Variants in AVEN observed in about 807,000 individuals in gnomAD.
The protein encoded by AVEN is cell death regulator Aven.
In AVEN, 41 loss-of-function variants were observed where a neutral mutation model predicts 38.1. The observed-to-expected ratio is 1.08, with a 90% CI of 0.84 to 1.40. The LOEUF is 1.40. Among genes scored for constraint, AVEN ranks in the 40% most tolerant of loss-of-function variants. The probability of loss-of-function intolerance (pLI) is 0.00; values close to 1 mark genes in which losing one functional copy is unlikely to be tolerated. For synonymous variants in AVEN, 206 were observed against 171.8 expected, an observed-to-expected ratio of 1.20 and a Z score of -1.56; for missense variants, 605 against 438.8, an observed-to-expected ratio of 1.38 and a Z score of -3.38.
At chr15:33,963,827 CA>C (rs1379438405) in intron 2 of AVEN, among the ~76,000 whole-genome samples, 2 of 142,378 alleles carry the variant, frequency 1.4e-5, no homozygotes, top group African/African-American at 2.5e-5. Context: ...AACGAACAAA[CA>C]AAAAAACCCC....
chr15:33,870,132 A>G (rs537289574), intron 4 of AVEN, among the ~76,000 whole-genome samples: 2 of 152,234 alleles, frequency 1.3e-5, no homozygotes, highest in East Asian at 3.9e-4. Context: ...ATATACCGTC[A>G]AATCCTGTTA....
chr15:34,063,769 C>T lies in AVEN; in HGVS notation n.1127-337G>A, dbSNP rs201606275. On this transcript the variant is annotated intron_variant and non_coding_transcript_variant, in intron 4 of 11. Coordinates refer to the AVEN transcript ENST00000675287. The surrounding 1 kb of genome is among the most constrained non-coding windows in gnomAD (Gnocchi z 4.1). ...GAGGAAACTTTTGTGAAAGCTGAAACTGAAAAAAGTGACTATGACACCCCA... is the reference window on the plus strand; with the variant it reads ...GAGGAAACTTTTGTGAAAGCTGAAATTGAAAAAAGTGACTATGACACCCCA... The T allele has an allele frequency of 5.4e-5, 87 of 1,614,166 alleles. No individual in the cohort carries two copies. Among genetic ancestry groups the T allele is most frequent in the Middle Eastern group, 4.9e-4 (3 of 6,062 alleles).
chr15:33,901,442 G>A (rs553632506), intron 2 of AVEN, among the ~76,000 whole-genome samples: 89 of 152,220 alleles, frequency 5.8e-4, no homozygotes, highest in African/African-American at 1.9e-3. Context: ...CCATATCTTC[G>A]CTCTTGTGAA....
At chr15:34,016,005 G>A (rs1010890485) in intron 1 of AVEN, among the ~76,000 whole-genome samples, 6 of 152,144 alleles carry the variant, frequency 3.9e-5, no homozygotes, top group Admixed American at 2.6e-4. Context: ...GGCTGGGCGC[G>A]GTGGCTCATG....
chr15:33,944,644 T>C (rs924992298), intron 2 of AVEN, among the ~76,000 whole-genome samples: 14 of 151,994 alleles, frequency 9.2e-5, no homozygotes, highest in Admixed American at 2.0e-4. Context: ...CCCGTCTCTA[T>C]TAAAAATACA....
chr15:33,936,801 T>C (rs1020326701), intron 2 of AVEN, among the ~76,000 whole-genome samples: 1 of 152,192 alleles, frequency 6.6e-6, no homozygotes, highest in Non-Finnish European at 1.5e-5. Flanking sequence ...GACCGTACTA[T>C]TGGTAGAATT....
intron 2 of AVEN, chr15:34,066,825 AG>A (rs1172749607): frequency 5.0e-5 from 5 of 100,102 alleles, no homozygotes; most frequent in African/African-American, 6.7e-5. Context: ...AAAAAAAAAA[AG>A]AGAGAGAGAG....
chr15:34,044,738 A>G (rs531589226), intron 5 of AVEN, among the ~76,000 whole-genome samples: 25 of 152,086 alleles, frequency 1.6e-4, no homozygotes, highest in African/African-American at 6.0e-4. Flanking sequence ...AGTTTCACCT[A>G]TTTTCCTGTC....
At position 34,039,037 on chromosome 15, in the gene AVEN, C is replaced by G; in HGVS notation, c.10G>C (p.Glu4Gln). 9.0e-7 allele frequency: 1 copy of G among 1,112,776 alleles called. No homozygotes were observed. The allele number at this position is 1,112,776 out of a possible 1,614,324, so 68.9% of individuals were successfully genotyped here. The change falls in exon 1 of 6, where the codon GAG becomes CAG. Residue 4 changes from glutamate to glutamine, a missense_variant. By Grantham distance (29) the Glu-to-Gln change is conservative. Coordinates refer to ENST00000306730, the MANE Select transcript of AVEN (RefSeq NM_020371.3). Reference protein sequence around the residue: MQAERGARGGRGRR... With the variant: MQAQRGARGGRGRR... ...CCACGGCCTCCCCGAGCTCCTCGCT[C>G]CGCCTGCATCTGGCCGCCGCTGGCG...
In AVEN at chr15:34,045,976, T is replaced by C. The variant is rs888479068; in HGVS notation, n.1637+16946A>G. Among the ~76,000 whole-genome samples the C allele has an allele frequency of 5.9e-5, 9 of 152,308 alleles. 1 individual carries two copies. In the South Asian group the frequency reaches 1.7e-3, roughly 28 times the overall value. On this transcript the variant is annotated intron_variant and non_coding_transcript_variant, in intron 5 of 11. Coordinates refer to the AVEN transcript ENST00000675287. ...ACCTGAGATGATTACTGCTCTCTCTTAATGCTGGTATCCTAAAAATAAACA... is the reference window on the plus strand; with the variant it reads ...ACCTGAGATGATTACTGCTCTCTCTCAATGCTGGTATCCTAAAAATAAACA...
rs967482777 is a variant in AVEN at position 33,993,980 on chromosome 15, G to A, written c.445+9052C>T. Reference sequence around the variant, plus strand: ...CATTCCACTATTAATGAATATTTGCGTTGCTTCCATCTGAGGCTCTTCTGA... The same window carrying A: ...CATTCCACTATTAATGAATATTTGCATTGCTTCCATCTGAGGCTCTTCTGA... On this transcript the variant is annotated intron_variant, in intron 2 of 5. Coordinates refer to ENST00000306730, the MANE Select transcript of AVEN (RefSeq NM_020371.3). Among the ~76,000 whole-genome samples, 7 of 152,210 alleles carry A rather than the reference G, an allele frequency of 4.6e-5. No homozygotes were observed. In the East Asian group the frequency reaches 9.7e-4, roughly 21 times the overall value.
intron 2 of AVEN, among the ~76,000 whole-genome samples, chr15:33,890,254 T>G (rs1232717565): frequency 6.6e-6 from 1 of 152,218 alleles, no homozygotes; most frequent in South Asian, 2.1e-4. Flanking sequence ...ACATGATTTC[T>G]GCAATGTACA....
chr15:34,043,126 A>G (rs1362773958), upstream of AVEN, among the ~76,000 whole-genome samples: 3 of 152,124 alleles, frequency 2.0e-5, no homozygotes, highest in East Asian at 1.9e-4. Context: ...GGGCGCCTGT[A>G]GTCCCAGCTA....
Position 33,866,512 on chromosome 15 carries a change from T to A in AVEN, c.*101A>T. 1.2e-6 allele frequency: 1 copy of A among 802,034 alleles called. No individual in the cohort carries two copies. 49.7% of individuals were successfully genotyped at this position (802,034 alleles called of 1,614,324 possible). On this transcript the variant is annotated 3_prime_UTR_variant, in exon 6 of 6. Coordinates refer to ENST00000306730, the MANE Select transcript of AVEN (RefSeq NM_020371.3). ...GTGAGCATAATGGAACACACTAGCT[T>A]GAGACATGCTTGTAAACTGGCTGGT...
At chr15:34,059,927 C>A (rs1250894932) in intron 5 of AVEN, among the ~76,000 whole-genome samples, 2 of 152,086 alleles carry the variant, frequency 1.3e-5, no homozygotes, top group African/African-American at 4.8e-5. Flanking sequence ...TCCATGGTAT[C>A]GCCAGCATTA....
intron 2 of AVEN, among the ~76,000 whole-genome samples, chr15:33,881,906 T>C (rs1447367549): frequency 6.6e-6 from 1 of 152,210 alleles, no homozygotes; most frequent in Non-Finnish European, 1.5e-5. Flanking sequence ...AAAAGAACAG[T>C]GACAGCCAAC....
intron 2 of AVEN, among the ~76,000 whole-genome samples, chr15:33,965,274 CA>C (rs1895342253): frequency 6.6e-6 from 1 of 152,086 alleles, no homozygotes; most frequent in African/African-American, 2.4e-5. Flanking sequence ...AAACAGCTTC[CA>C]TAAGTCCACA....
At chr15:33,855,552 C>T (rs545071765), downstream of AVEN, among the ~76,000 whole-genome samples, 1 of 152,002 alleles carries the variant, frequency 6.6e-6, no homozygotes, top group East Asian at 1.9e-4. Context: ...TGATATATTC[C>T]CTGGGGGTTA....
intron 2 of AVEN, among the ~76,000 whole-genome samples, chr15:33,973,168 C>T (rs1166682403): frequency 6.6e-6 from 1 of 152,190 alleles, no homozygotes; most frequent in Non-Finnish European, 1.5e-5. Flanking sequence ...ACACTGTTGT[C>T]ATCATCAGAC....
Sources: gnomAD v4.1 joint callset for allele counts (sites outside exome capture counted in the v4.1 genomes callset) on GRCh38, gnomAD v4.1.1 for gene constraint, Gnocchi (gnomAD v3.1) non-coding constraint, MANE v1.5 for transcripts, NCBI Gene and HGNC (gene_info 2026-07-23, HGNC 2026-07-21) for gene names.